The following FRAS1 variants were observed in gnomAD, a reference collection of about 807,000 sequenced individuals.
FRAS1 encodes Fraser extracellular matrix complex subunit 1.
A neutral mutation model predicts 435.2 loss-of-function variants in FRAS1; 290 were observed. The observed-to-expected ratio is 0.67, with a 90% CI of 0.61 to 0.73. The LOEUF (loss-of-function observed/expected upper bound fraction) is 0.73, where lower values mean the gene tolerates loss of function less well. FRAS1 is among the 30% of genes least tolerant of loss of function. FRAS1 has a pLI of 0.00. For synonymous variants in FRAS1, 1,800 were observed against 1,851.0 expected (o/e 0.97, Z 0.71); for missense variants, 4,860 against 5,001.5 (o/e 0.97, Z 0.85).
chr4:78,126,679 T>C (rs1719373565), intron 2 of FRAS1, among the ~76,000 whole-genome samples: 2 of 152,224 alleles, frequency 1.3e-5, no homozygotes, highest in South Asian at 4.1e-4. Context: ...TTCTAATCTT[T>C]TGTTTTATTT....
intron 54 of FRAS1, among the ~76,000 whole-genome samples, chr4:78,476,080 G>A (rs1719844452): frequency 6.6e-6 from 1 of 152,198 alleles, no homozygotes; most frequent in South Asian, 2.1e-4. Flanking sequence ...AGAATTGATA[G>A]GATTTGGCAG....
At chr4:78,312,070 T>C (rs2110226611) in intron 15 of FRAS1, among the ~76,000 whole-genome samples, 1 of 151,908 alleles carries the variant, frequency 6.6e-6, no homozygotes, top group African/African-American at 2.4e-5. Flanking sequence ...TTTAAGGTTT[T>C]GCTTTTGAAT....
At chr4:78,527,698 C>T (rs555907971) in intron 70 of FRAS1, among the ~76,000 whole-genome samples, 30 of 152,094 alleles carry the variant, frequency 2.0e-4, no homozygotes, top group African/African-American at 6.0e-4. Flanking sequence ...GAGAGAGAGG[C>T]GAGAAAGTAG....
intron 2 of FRAS1, among the ~76,000 whole-genome samples, chr4:78,227,107 T>A (rs567559418): frequency 7.5e-4 from 115 of 152,360 alleles, no homozygotes; most frequent in African/African-American, 2.5e-3. Context: ...CTTCATTAAT[T>A]TCTGAATAAA....
chr4:78,183,936 G>T (rs1722162536), intron 2 of FRAS1, among the ~76,000 whole-genome samples: 1 of 152,068 alleles, frequency 6.6e-6, no homozygotes, highest in Non-Finnish European at 1.5e-5. Flanking sequence ...TTTATTTAGT[G>T]CTTATTATGC....
chr4:78,060,729 A>G (rs2055495), intron 1 of FRAS1, among the ~76,000 whole-genome samples: 1 of 151,744 alleles, frequency 6.6e-6, no homozygotes, highest in Non-Finnish European at 1.5e-5. Flanking sequence ...TAAATGAGGT[A>G]CATTACGTGA....
chr4:78,205,238 G>A (rs1444902132), intron 2 of FRAS1, among the ~76,000 whole-genome samples: 1 of 127,244 alleles, frequency 7.9e-6, no homozygotes, highest in African/African-American at 3.0e-5. Context: ...ATCTTTCTCT[G>A]TTGCTCAGGC....
rs140111212 is a variant in FRAS1, at chr4:78,531,438, CCAGCTTTTGCCCATT to C, written c.10926-3007_10926-2993del. Among the ~76,000 whole-genome samples the C allele has an allele frequency of 6.3e-3, 963 of 152,240 alleles. 6 individuals carry two copies. Among genetic ancestry groups the C allele is most frequent in the Non-Finnish European group, 0.01 (683 of 68,016 alleles). On this transcript the variant is annotated intron_variant, in intron 70 of 73. Coordinates refer to ENST00000512123, the MANE Select transcript of FRAS1 (RefSeq NM_025074.7). ...GTGCAGGTTTTCAAAGGGAATGCTT[CCAGCTTTTGCCCATT>C]CAGTATCATATTGGCTATGGGTTTG...
chr4:78,486,830 ATTTTTTTT>A lies in FRAS1; in HGVS notation c.8753-2032_8753-2025del, dbSNP rs67268640. ...CTGCCTTTTCTCTTTCTCTCTCTCT[ATTTTTTTT>A]TTTTTTTTTTTTGGCAGACAGGGAT... is the stretch of plus-strand genomic sequence containing the variant. On this transcript the variant is annotated intron_variant, in intron 58 of 73. Transcript: ENST00000512123. 4.3e-3 allele frequency among the ~76,000 whole-genome samples: 533 copies of A among 123,538 alleles called. 9 individuals are homozygous for A. The highest frequency in any genetic ancestry group is 0.015 in the African/African-American group (503 of 33,648). 81.0% of individuals were successfully genotyped at this position (123,538 alleles called of 152,430 possible).
intron 14 of FRAS1, among the ~76,000 whole-genome samples, chr4:78,288,426 G>C (rs1727722048): frequency 6.6e-6 from 1 of 152,094 alleles, no homozygotes; most frequent in African/African-American, 2.4e-5. Context: ...GACTTTTCTG[G>C]GGGGAGGGCA....
chr4:78,149,191 C>A (rs1288500136), intron 2 of FRAS1, among the ~76,000 whole-genome samples: 1 of 152,088 alleles, frequency 6.6e-6, no homozygotes, highest in Non-Finnish European at 1.5e-5. Flanking sequence ...GTGAAAGGCC[C>A]ACAGTGAGTG....
At chr4:78,371,097 T>TG (rs1339793394) in intron 23 of FRAS1, among the ~76,000 whole-genome samples, 3 of 151,056 alleles carry the variant, frequency 2.0e-5, no homozygotes, top group South Asian at 2.1e-4. Context: ...TTTTGTTTTT[T>TG]TTTTTTTTTG....
At chr4:78,074,415 T>C (rs1422335917) in intron 2 of FRAS1, among the ~76,000 whole-genome samples, 1 of 152,172 alleles carries the variant, frequency 6.6e-6, no homozygotes. Flanking sequence ...TTCCCTCTTA[T>C]ATTTGCTGTA....
At chr4:78,472,807 T>A (rs546980685) in intron 52 of FRAS1, among the ~76,000 whole-genome samples, 1 of 152,228 alleles carries the variant, frequency 6.6e-6, no homozygotes, top group Non-Finnish European at 1.5e-5. Context: ...TTGAATCATC[T>A]CAAGCAGGCC....
At position 78,432,458 on chromosome 4, in the gene FRAS1, G is replaced by A. The variant is rs778929568; in HGVS notation, c.5071G>A (p.Gly1691Ser). Reference protein sequence around the residue: ...EDSMEISVTDGLTVTMLEVRV... With the variant: ...EDSMEISVTDSLTVTMLEVRV... ...CAGCATGGAGATCTCAGTCACAGAT[G>A]GCCTCACAGTGACAATGCTGGAGGT... is the stretch of plus-strand genomic sequence containing the variant. The change falls in exon 38 of 74, where the codon GGC (glycine) becomes AGC (serine). Residue 1691 changes from glycine (G) to serine (S), a missense_variant. Coordinates refer to ENST00000512123, the MANE Select transcript of FRAS1 (RefSeq NM_025074.7). 6.2e-7 allele frequency: 1 copy of A among 1,613,354 alleles called. No individual in the cohort carries two copies.
chr4:78,503,571 A>AT (rs1440388610), intron 61 of FRAS1, among the ~76,000 whole-genome samples: 7 of 152,072 alleles, frequency 4.6e-5, no homozygotes, highest in Non-Finnish European at 7.4e-5. Context: ...CCCCTTTATC[A>AT]TTTTTTATTG....
At chr4:78,398,858 C>T (rs1023208400) in intron 29 of FRAS1, among the ~76,000 whole-genome samples, 7 of 152,130 alleles carry the variant, frequency 4.6e-5, no homozygotes, top group African/African-American at 1.7e-4. Context: ...TGGTAGGCAC[C>T]TATAATCCCA....
intron 2 of FRAS1, among the ~76,000 whole-genome samples, chr4:78,138,264 G>A (rs1720009979): frequency 6.6e-6 from 1 of 152,150 alleles, no homozygotes; most frequent in Non-Finnish European, 1.5e-5. Flanking sequence ...TTAGTTCATA[G>A]TCCTATTTCA....
At chr4:78,169,562 A>C (rs1191259104) in intron 2 of FRAS1, among the ~76,000 whole-genome samples, 1 of 152,156 alleles carries the variant, frequency 6.6e-6, no homozygotes, top group Non-Finnish European at 1.5e-5. Flanking sequence ...CGTATAGCAC[A>C]TAGTAGGTGC....
Sources: allele counts gnomAD v4.1 joint callset (sites outside exome capture counted in the v4.1 genomes callset), GRCh38; gene constraint gnomAD v4.1.1; transcripts MANE v1.5; gene names NCBI Gene and HGNC (gene_info 2026-07-23, HGNC 2026-07-21).